Variants in MAP4K5 observed in about 807,000 individuals in gnomAD.
MAP4K5 encodes the protein MAPK/ERK kinase kinase kinase 5.
MAP4K5 carries 82 observed loss-of-function variants against 135.6 expected under a neutral mutation model. That is an observed-to-expected ratio of 0.60 (90% CI 0.51 to 0.73). MAP4K5 has a LOEUF of 0.73. Ranked by LOEUF, MAP4K5 falls within the 30% of genes least tolerant of loss-of-function variation. The pLI is 0.00. For missense variants in MAP4K5, 907 were observed against 1,010.9 expected (o/e 0.90, Z 1.39); for synonymous variants, 347 against 335.0 (o/e 1.04, Z -0.39).
rs765257441 is a variant in MAP4K5 at position 50,504,870 on chromosome 14, T to C, written c.109-13A>G. ...GTACATTTCTGGCCTAAAAATAAAA[T>C]AAAAACAAAAATCTTGTTAATTAAA... On this transcript the variant is annotated splice_polypyrimidine_tract_variant and intron_variant, in intron 2 of 32. Transcript: ENST00000682126. 143 of 1,516,842 alleles carry C rather than the reference T, an allele frequency of 9.4e-5. No individual in the cohort carries two copies. Among genetic ancestry groups the C allele is most frequent in the Non-Finnish European group, 1.2e-4 (138 of 1,132,420 alleles). 94.0% of individuals were successfully genotyped at this position (1,516,842 alleles called of 1,614,324 possible).
intron 31 of MAP4K5, 77 bp downstream of exon 31, chr14:50,425,830 A>G (rs2035833140): frequency 9.2e-6 from 9 of 979,556 alleles, no homozygotes; most frequent in Non-Finnish European, 1.4e-5. Flanking sequence ...AGGTTCAGAG[A>G]GGAAATGCAT....
chr14:50,442,374 T>C (rs2036248854), intron 21 of MAP4K5, among the ~76,000 whole-genome samples: 1 of 152,080 alleles, frequency 6.6e-6, no homozygotes, highest in African/African-American at 2.4e-5. Flanking sequence ...AAAAAAGTCA[T>C]ATAACCACAA....
chr14:50,502,393 C>G (rs993342366), intron 3 of MAP4K5, among the ~76,000 whole-genome samples: 1 of 152,018 alleles, frequency 6.6e-6, no homozygotes, highest in African/African-American at 2.4e-5. Context: ...AAAATATAAC[C>G]AATAAAATCA....
intron 3 of MAP4K5, among the ~76,000 whole-genome samples, chr14:50,492,085 C>T (rs1192621734): frequency 6.6e-6 from 1 of 152,100 alleles, no homozygotes; most frequent in Non-Finnish European, 1.5e-5. Flanking sequence ...CTGGTTTATG[C>T]TTTTTATGTC....
chr14:50,545,155 G>A (rs952229052), intron 1 of MAP4K5, among the ~76,000 whole-genome samples: 9 of 152,108 alleles, frequency 5.9e-5, no homozygotes, highest in African/African-American at 2.2e-4. Flanking sequence ...CTCAAACACA[G>A]TAGGCAAAGA....
chr14:50,560,519 C>T, intron 1 of MAP4K5: 1 of 605,808 alleles, frequency 1.7e-6, no homozygotes, highest in South Asian at 1.9e-5. Context: ...TGCAGCTTCG[C>T]GCAGGCCGGG....
At chr14:50,453,958 T>G (rs1246517819) in intron 14 of MAP4K5, among the ~76,000 whole-genome samples, 3 of 152,156 alleles carry the variant, frequency 2.0e-5, no homozygotes, top group African/African-American at 7.2e-5. Context: ...ATAATAATCA[T>G]TTATGTCCAC....
intron 2 of MAP4K5, among the ~76,000 whole-genome samples, chr14:50,518,884 A>C (rs2038089352): frequency 6.6e-6 from 1 of 152,180 alleles, no homozygotes. Context: ...GAAGATGTGA[A>C]CTCTCAGTCA....
chr14:50,538,121 G>C (rs1400415419), intron 2 of MAP4K5, among the ~76,000 whole-genome samples: 1 of 152,096 alleles, frequency 6.6e-6, no homozygotes, highest in Non-Finnish European at 1.5e-5. Flanking sequence ...TGAATCATGG[G>C]GGCAAATCTT....
At chr14:50,462,357 G>A (rs1005473466) in intron 13 of MAP4K5, among the ~76,000 whole-genome samples, 3 of 152,150 alleles carry the variant, frequency 2.0e-5, no homozygotes, top group East Asian at 3.9e-4. Flanking sequence ...AGGGACCCCT[G>A]ATTTCAATCT....
intron 2 of MAP4K5, among the ~76,000 whole-genome samples, chr14:50,540,404 A>G (rs748890657): frequency 1.3e-5 from 2 of 152,164 alleles, no homozygotes; most frequent in Non-Finnish European, 2.9e-5. Flanking sequence ...ACATAAACCA[A>G]TTCACAAACC....
intron 9 of MAP4K5, among the ~76,000 whole-genome samples, chr14:50,470,954 A>C (rs752853631): frequency 1.3e-4 from 20 of 152,174 alleles, no homozygotes; most frequent in Non-Finnish European, 2.5e-4. Flanking sequence ...AGTTTTTGAT[A>C]AACATTACCA....
chr14:50,520,248 T>C (rs1439304335), intron 2 of MAP4K5, among the ~76,000 whole-genome samples: 1 of 152,066 alleles, frequency 6.6e-6, no homozygotes, highest in East Asian at 1.9e-4. Flanking sequence ...CCTGTAATCC[T>C]AGCACTTTAG....
intron 1 of MAP4K5, among the ~76,000 whole-genome samples, chr14:50,552,930 C>T (rs1437204900): frequency 6.6e-6 from 1 of 152,120 alleles, no homozygotes; most frequent in Non-Finnish European, 1.5e-5. Context: ...ATCAGAAAAA[C>T]TCTTATAGAC....
chr14:50,518,857 T>C (rs1375294740), intron 2 of MAP4K5, among the ~76,000 whole-genome samples: 1 of 152,238 alleles, frequency 6.6e-6, no homozygotes, highest in African/African-American at 2.4e-5. Flanking sequence ...AGGAAAGGGC[T>C]TGAGTTTCAG....
chr14:50,425,840 T>A (rs1241973005), intron 31 of MAP4K5, 67 bp downstream of exon 31: 2 of 1,125,940 alleles, frequency 1.8e-6, no homozygotes, highest in Non-Finnish European at 2.6e-6. Flanking sequence ...AGGAAATGCA[T>A]AAAACGAGTG....
chr14:50,431,181 T>C (rs1170511743), intron 28 of MAP4K5, among the ~76,000 whole-genome samples: 1 of 152,228 alleles, frequency 6.6e-6, no homozygotes, highest in East Asian at 1.9e-4. Context: ...TGTTTATAAA[T>C]GAGATTCAAC....
chr14:50,482,328 T>C, intron 6 of MAP4K5, 33 bp downstream of exon 6: 2 of 1,310,122 alleles, frequency 1.5e-6, no homozygotes, highest in Non-Finnish European at 2.1e-6. Context: ...TGCCTAGAAT[T>C]GCCTTTCTAA....
intron 1 of MAP4K5, among the ~76,000 whole-genome samples, chr14:50,546,801 C>T (rs1324412213): frequency 6.7e-6 from 1 of 150,332 alleles, no homozygotes; most frequent in Non-Finnish European, 1.5e-5. Context: ...GTAACAAAAT[C>T]TTCTGAATTA....
Sources: gnomAD v4.1 joint callset for allele counts (sites outside exome capture counted in the v4.1 genomes callset) on GRCh38, gnomAD v4.1.1 for gene constraint, MANE v1.5 for transcripts, NCBI Gene and HGNC (gene_info 2026-07-23, HGNC 2026-07-21) for gene names.